Variants in RBMS3 observed in about 807,000 individuals in gnomAD.
The protein encoded by RBMS3 is RNA binding motif single stranded interacting protein 3.
Under a neutral mutation model 66.8 loss-of-function variants are expected in RBMS3, and 27 were observed. The ratio of observed to expected loss-of-function variants is 0.40; its 90% CI spans 0.30 to 0.56. The LOEUF (loss-of-function observed/expected upper bound fraction) is 0.56. RBMS3 is among the 20% of genes least tolerant of loss of function. The pLI is 0.40. For synonymous variants in RBMS3, 188 were observed against 183.0 expected (o/e 1.03, Z -0.22); for missense variants, 513 against 549.5 (o/e 0.93, Z 0.66).
At chr3:29,832,782 A>T (rs1478264899) in intron 6 of RBMS3, among the ~76,000 whole-genome samples, 1 of 152,198 alleles carries the variant, frequency 6.6e-6, no homozygotes, top group African/African-American at 2.4e-5. Flanking sequence ...TCCCTGAGGA[A>T]GTCCACCCAT....
chr3:29,807,221 A>G (rs1487816519), intron 6 of RBMS3, among the ~76,000 whole-genome samples: 1 of 151,968 alleles, frequency 6.6e-6, no homozygotes, highest in African/African-American at 2.4e-5. Flanking sequence ...TCACATTGCA[A>G]CATGACAAAA....
intron 7 of RBMS3, 125 bp from the exon 8 acceptor site, chr3:29,884,037 A>T: frequency 1.3e-6 from 1 of 796,262 alleles, no homozygotes; most frequent in Non-Finnish European, 2.0e-6. Context: ...ATAGAGATAT[A>T]CATAGGAGAA....
intron 5 of RBMS3, among the ~76,000 whole-genome samples, chr3:29,747,935 C>T (rs1245799712): frequency 8.1e-6 from 1 of 123,320 alleles, no homozygotes; most frequent in Non-Finnish European, 1.7e-5. Flanking sequence ...CCTTCCCTAT[C>T]TGCCTAGGTA....
intron 6 of RBMS3, among the ~76,000 whole-genome samples, chr3:29,801,260 A>T (rs1353254764): frequency 7.1e-5 from 7 of 98,204 alleles, no homozygotes; most frequent in African/African-American, 2.4e-4. Flanking sequence ...TTGAAGAATC[A>T]TTGCTTTTTT....
At chr3:29,987,328 A>G (rs6774433) in intron 12 of RBMS3, among the ~76,000 whole-genome samples, 7,283 of 152,272 alleles carry the variant, frequency 0.048, 223 homozygotes, top group South Asian at 0.08. Flanking sequence ...TATGTGTGTT[A>G]TGAATATGGG....
chr3:29,986,249 T>C (rs1698384659), intron 12 of RBMS3, among the ~76,000 whole-genome samples: 1 of 152,256 alleles, frequency 6.6e-6, no homozygotes, highest in African/African-American at 2.4e-5. Context: ...TCTCACTTGC[T>C]ATAAATCTGC....
At chr3:29,832,138 C>T (rs984496695) in intron 6 of RBMS3, among the ~76,000 whole-genome samples, 7 of 152,052 alleles carry the variant, frequency 4.6e-5, no homozygotes, top group Non-Finnish European at 8.8e-5. Flanking sequence ...AGATAATGCA[C>T]ATAATGTATT....
Position 29,756,318 on chromosome 3 carries a change from G to A in RBMS3, c.558-6592G>A, listed in dbSNP as rs575338753. Among the ~76,000 whole-genome samples, 7 of 152,218 alleles carry A rather than the reference G, an allele frequency of 4.6e-5. No homozygotes were observed. The East Asian group carries it at 1.4e-3, about 29-fold the overall frequency. On this transcript the variant is annotated intron_variant, in intron 5 of 14. Coordinates refer to ENST00000383767, the MANE Select transcript of RBMS3 (RefSeq NM_001003793.3). ...ACACCAGCTGCAAATGGAGTGCCCAGGTGTATTAGTCCATCCTCATACTTC... is the reference window on the plus strand; with the variant it reads ...ACACCAGCTGCAAATGGAGTGCCCAAGTGTATTAGTCCATCCTCATACTTC...
intron 7 of RBMS3, among the ~76,000 whole-genome samples, chr3:29,872,126 G>A (rs2059506375): frequency 6.6e-6 from 1 of 152,030 alleles, no homozygotes; most frequent in South Asian, 2.1e-4. Flanking sequence ...GTGTTCTACA[G>A]TTCTTATTGT....
chr3:29,869,792 A>T (rs1016729436), intron 7 of RBMS3, among the ~76,000 whole-genome samples: 11 of 152,196 alleles, frequency 7.2e-5, no homozygotes, highest in African/African-American at 2.7e-4. Flanking sequence ...CCAAGGCCAT[A>T]CTTTCAAGAG....
rs1699817919 is a variant in RBMS3, at chr3:30,006,952, C to A, written c.*3090C>A. The stretch of plus-strand genomic sequence containing the variant: ...AGCCAGTTTCTGCAAAAGGAAATGA[C>A]CTGTCATTTGATGTGTTCATGTGTG... On this transcript the variant is annotated 3_prime_UTR_variant, in exon 15 of 15. Coordinates refer to ENST00000383767, the MANE Select transcript of RBMS3 (RefSeq NM_001003793.3). 2 of 151,818 alleles carry A rather than the reference C, an allele frequency of 1.3e-5. No homozygotes were observed. The highest frequency in any genetic ancestry group is 6.6e-5 in the Admixed American group (1 of 15,218). The allele number at this position is 151,818 out of a possible 1,614,324, so 9.4% of individuals were successfully genotyped here. A position where few individuals can be genotyped will look rare whatever the true frequency, so the allele number is the denominator to read the frequency against.
intron 10 of RBMS3, among the ~76,000 whole-genome samples, chr3:29,933,623 A>G (rs1270288990): frequency 6.6e-6 from 1 of 152,108 alleles, no homozygotes; most frequent in African/African-American, 2.4e-5. Context: ...AGATTCTTAC[A>G]TATCCTTCCC....
intron 1 of RBMS3, among the ~76,000 whole-genome samples, chr3:29,379,184 G>T (rs544961319): frequency 6.6e-6 from 1 of 152,284 alleles, no homozygotes; most frequent in South Asian, 2.1e-4. Context: ...CATTTTATAA[G>T]GGTAATTTGT....
chr3:29,641,933 G>A (rs1374526211), intron 4 of RBMS3, among the ~76,000 whole-genome samples: 1 of 152,008 alleles, frequency 6.6e-6, no homozygotes, highest in Non-Finnish European at 1.5e-5. Context: ...TCTTAGAGCT[G>A]TCCTCCCAAG....
intron 3 of RBMS3, among the ~76,000 whole-genome samples, chr3:29,512,847 A>C (rs2044468949): frequency 6.6e-6 from 1 of 152,176 alleles, no homozygotes; most frequent in Non-Finnish European, 1.5e-5. Context: ...AAATTCCAAC[A>C]ATCTATCCTT....
At chr3:29,473,170 GT>G (rs2042807354) in intron 2 of RBMS3, among the ~76,000 whole-genome samples, 1 of 151,624 alleles carries the variant, frequency 6.6e-6, no homozygotes, top group Non-Finnish European at 1.5e-5. Context: ...GTTTCTCCAA[GT>G]CCCCACCAGA....
chr3:29,826,481 T>C (rs1258844409), intron 6 of RBMS3, among the ~76,000 whole-genome samples: 1 of 152,178 alleles, frequency 6.6e-6, no homozygotes, highest in Non-Finnish European at 1.5e-5. Flanking sequence ...TTTTTACCTT[T>C]TGACTGTATA....
At chr3:29,559,044 C>G (rs1027637666) in intron 3 of RBMS3, among the ~76,000 whole-genome samples, 2 of 152,012 alleles carry the variant, frequency 1.3e-5, no homozygotes, top group Non-Finnish European at 2.9e-5. Flanking sequence ...TGAGACTTGA[C>G]ATATTAAGCT....
At chr3:29,563,228 T>G (rs567258218) in intron 3 of RBMS3, among the ~76,000 whole-genome samples, 1 of 152,354 alleles carries the variant, frequency 6.6e-6, no homozygotes, top group South Asian at 2.1e-4. Context: ...GAAAAGAATG[T>G]TATTATTTCA....
Sources: gnomAD v4.1 joint callset for allele counts (sites outside exome capture counted in the v4.1 genomes callset) on GRCh38, gnomAD v4.1.1 for gene constraint, MANE v1.5 for transcripts, NCBI Gene and HGNC (gene_info 2026-07-23, HGNC 2026-07-21) for gene names.